The following MYZAP variants were observed in gnomAD, a reference collection of about 807,000 sequenced individuals.
MYZAP encodes myocardial zonula adherens protein.
Under a neutral mutation model 69.4 loss-of-function variants are expected in MYZAP, and 66 were observed. That is an observed-to-expected ratio of 0.95 (90% confidence interval 0.78 to 1.17). The LOEUF (loss-of-function observed/expected upper bound fraction) is 1.17, where lower values mean the gene tolerates loss of function less well. MYZAP is among the 50% of genes most tolerant of loss of function. The pLI is 0.00. For missense variants in MYZAP, 611 were observed against 556.2 expected, an observed-to-expected ratio of 1.10 and a Z score of -0.99; for synonymous variants, 256 against 205.9, an observed-to-expected ratio of 1.24 and a Z score of -2.09.
intron 10 of MYZAP, among the ~76,000 whole-genome samples, chr15:57,643,305 C>T (rs891017871): frequency 1.3e-5 from 2 of 152,202 alleles, no homozygotes; most frequent in East Asian, 1.9e-4. Context: ...CGTGCTGGCA[C>T]GGATCTTACC....
At chr15:57,616,821 G>GTTTTTTTTTTTTTTTTTTTTTTT in intron 2 of MYZAP, among the ~76,000 whole-genome samples, 1 of 53,318 alleles carries the variant, frequency 1.9e-5, no homozygotes, top group Non-Finnish European at 3.4e-5. Flanking sequence ...AAAAAAAAGT[G>GTTTTTTTTTTTTTTTTTTTTTTT]CTTTTTTTTT....
intron 11 of MYZAP, among the ~76,000 whole-genome samples, chr15:57,668,255 C>T (rs1331683982): frequency 6.6e-6 from 1 of 152,192 alleles, no homozygotes; most frequent in African/African-American, 2.4e-5. Flanking sequence ...CATTAGAGTA[C>T]AACTCATTAT....
chr15:57,634,801 G>C (rs2036717850), intron 8 of MYZAP, among the ~76,000 whole-genome samples: 1 of 152,162 alleles, frequency 6.6e-6, no homozygotes, highest in African/African-American at 2.4e-5. Context: ...TCTACCCCCT[G>C]GGAAAACAGA....
chr15:57,606,500 A>G (rs2034755732), intron 2 of MYZAP, among the ~76,000 whole-genome samples: 2 of 148,000 alleles, frequency 1.4e-5, no homozygotes, highest in South Asian at 4.5e-4. Context: ...CCTGGATTAG[A>G]TGGTGGCAAA....
intron 5 of MYZAP, among the ~76,000 whole-genome samples, chr15:57,627,772 A>T (rs1357703998): frequency 6.6e-6 from 1 of 152,136 alleles, no homozygotes; most frequent in African/African-American, 2.4e-5. Context: ...CAGAGCCAGG[A>T]TTAGAAAAAT....
intron 3 of MYZAP, among the ~76,000 whole-genome samples, chr15:57,620,757 G>T (rs115036131): frequency 6.6e-6 from 1 of 152,074 alleles, no homozygotes; most frequent in Non-Finnish European, 1.5e-5. Flanking sequence ...AGTCAGGGCC[G>T]ATAGAGGGAA....
intron 5 of MYZAP, among the ~76,000 whole-genome samples, chr15:57,626,652 A>G (rs2036154951): frequency 6.6e-6 from 1 of 152,174 alleles, no homozygotes. Flanking sequence ...CTCCAAATTT[A>G]TTTGGCTCTT....
chr15:57,596,197 C>G (rs2034047241), intron 1 of MYZAP, among the ~76,000 whole-genome samples: 1 of 152,134 alleles, frequency 6.6e-6, no homozygotes, highest in Non-Finnish European at 1.5e-5. Context: ...ACCCATTTGT[C>G]TCTGGGGGCA....
chr15:57,599,624 G>C, intron 1 of MYZAP: 1 of 1,289,162 alleles, frequency 7.8e-7, no homozygotes, highest in Non-Finnish European at 1.0e-6. Flanking sequence ...TTCAGGCACT[G>C]CCAAGCCTGG....
chr15:57,610,823 G>A (rs755604041), intron 2 of MYZAP, among the ~76,000 whole-genome samples: 1 of 152,108 alleles, frequency 6.6e-6, no homozygotes. Flanking sequence ...AATAGTGTCT[G>A]AAAACCCACT....
intron 2 of MYZAP, among the ~76,000 whole-genome samples, chr15:57,615,238 G>A (rs529227703): frequency 2.6e-4 from 40 of 152,288 alleles, no homozygotes; most frequent in African/African-American, 8.9e-4. Context: ...GGAAACTGTC[G>A]TTAGAGAGCT....
At chr15:57,676,440 A>G (rs1011492344) in intron 12 of MYZAP, among the ~76,000 whole-genome samples, 37 of 143,892 alleles carry the variant, frequency 2.6e-4, no homozygotes, top group African/African-American at 9.4e-4. Context: ...ATATATGTAT[A>G]TATATATATA....
chr15:57,595,733 T>C (rs1042980211), intron 1 of MYZAP, among the ~76,000 whole-genome samples: 6 of 152,192 alleles, frequency 3.9e-5, no homozygotes, highest in African/African-American at 1.4e-4. Context: ...CTGGTGTTGC[T>C]GCTATCGTGA....
At chr15:57,640,925 A>C (rs555342122) in intron 10 of MYZAP, among the ~76,000 whole-genome samples, 1 of 152,204 alleles carries the variant, frequency 6.6e-6, no homozygotes, top group African/African-American at 2.4e-5. Context: ...TATCGTCAAC[A>C]CTAGGTAGAT....
intron 10 of MYZAP, among the ~76,000 whole-genome samples, chr15:57,652,091 C>T (rs1485362861): frequency 6.6e-6 from 1 of 152,082 alleles, no homozygotes; most frequent in African/African-American, 2.4e-5. Flanking sequence ...GGCTGAATGC[C>T]ACAAGACACA....
intron 11 of MYZAP, among the ~76,000 whole-genome samples, chr15:57,663,755 G>A (rs190974120): frequency 6.6e-6 from 1 of 152,318 alleles, no homozygotes; most frequent in African/African-American, 2.4e-5. Context: ...AATGCCCAGA[G>A]GATGTAGCGG....
At chr15:57,646,299 C>T (rs2140489684) in intron 10 of MYZAP, 1 of 1,248,360 alleles carries the variant, frequency 8.0e-7, no homozygotes, top group African/African-American at 1.6e-5. Flanking sequence ...TATGATGAGC[C>T]AATGAACAAA....
rs374878536 is a variant in MYZAP, at chr15:57,661,480, A to T, written c.1150A>T (p.Lys384Ter). 8 of 1,609,420 alleles carry T rather than the reference A, an allele frequency of 5.0e-6. No individual in the cohort carries two copies. The change falls in exon 11 of 13, where the codon AAA becomes TAA. Residue 384 changes from lysine to a stop codon, truncating the protein, a stop_gained. Coordinates refer to ENST00000267853, the MANE Select transcript of MYZAP (RefSeq NM_001018100.5). LOFTEE classifies it high-confidence loss of function. ...ATCATTAAAGAAAAAGTTGCAACAGAAACAGCTCTTAATACTGCAGCTTTT... is the reference window on the plus strand; with the variant it reads ...ATCATTAAAGAAAAAGTTGCAACAGTAACAGCTCTTAATACTGCAGCTTTT... ...IESLKKKLQQ[K>*]QLLILQLLEK...
chr15:57,593,212 A>ACACACACACT (rs770540454), intron 1 of MYZAP, among the ~76,000 whole-genome samples: 6 of 124,908 alleles, frequency 4.8e-5, no homozygotes, highest in Non-Finnish European at 8.5e-5. Flanking sequence ...ACACACACAC[A>ACACACACACT]CACCCCAGAA....
Sources: allele counts gnomAD v4.1 joint callset (sites outside exome capture counted in the v4.1 genomes callset), GRCh38; gene constraint gnomAD v4.1.1; transcripts MANE v1.5; gene names NCBI Gene and HGNC (gene_info 2026-07-23, HGNC 2026-07-21).